Variants in HPS3 observed in about 807,000 individuals in gnomAD.
HPS3 encodes the protein BLOC-2 complex member HPS3.
A neutral mutation model predicts 110.9 loss-of-function variants in HPS3; 79 were observed. That is an observed-to-expected ratio of 0.71 (90% CI 0.59 to 0.86). The LOEUF is 0.86. Ranked by LOEUF, HPS3 falls within the 40% of genes least tolerant of loss-of-function variation. The pLI, the probability that HPS3 is intolerant of heterozygous loss-of-function variation, is 0.00. For missense variants in HPS3, 1,197 were observed against 1,206.2 expected (o/e 0.99, Z 0.11); for synonymous variants, 428 against 451.0 (o/e 0.95, Z 0.65).
chr3:149,155,283 T>C, intron 8 of HPS3, 68 bp downstream of exon 8: 8 of 954,372 alleles, frequency 8.4e-6, no homozygotes, highest in Middle Eastern at 2.2e-4. Context: ...CAGAAATTGA[T>C]TCTAATTATC....
At chr3:149,146,046 A>G (rs1413608140) in intron 5 of HPS3, among the ~76,000 whole-genome samples, 1 of 152,226 alleles carries the variant, frequency 6.6e-6, no homozygotes, top group Non-Finnish European at 1.5e-5. Flanking sequence ...GTCATGTGCT[A>G]ATTGGTGGCA....
intron 1 of HPS3, chr3:149,130,156 G>C (rs1349369377): frequency 3.5e-6 from 2 of 575,280 alleles, no homozygotes; most frequent in Non-Finnish European, 6.2e-6. Flanking sequence ...TGCTTCTGTC[G>C]GGGCGGAGAC....
At chr3:149,135,238 A>T (rs1322175676) in intron 1 of HPS3, among the ~76,000 whole-genome samples, 1 of 152,220 alleles carries the variant, frequency 6.6e-6, no homozygotes, top group African/African-American at 2.4e-5. Context: ...ATTTTGAAGG[A>T]TGGGGACCTC....
At chr3:149,150,850 T>C (rs1723059194) in intron 6 of HPS3, among the ~76,000 whole-genome samples, 170 bp downstream of exon 6, 1 of 152,200 alleles carries the variant, frequency 6.6e-6, no homozygotes, top group African/African-American at 2.4e-5. Flanking sequence ...TTGTGATTCA[T>C]GGCTTAGTTG....
intron 1 of HPS3, among the ~76,000 whole-genome samples, chr3:149,138,020 A>G (rs551644348): frequency 6.6e-6 from 1 of 152,110 alleles, no homozygotes; most frequent in South Asian, 2.1e-4. Context: ...TACTGGGGGA[A>G]TTTTAGGAAG....
At position 149,129,786 on chromosome 3, in the gene HPS3, G is replaced by C. The variant is rs1427303748; in HGVS notation, c.63G>C (p.Glu21Asp). 1 of 1,609,310 alleles carries C rather than the reference G, an allele frequency of 6.2e-7. No individual in the cohort carries two copies. Among genetic ancestry groups the C allele is most frequent in the Non-Finnish European group, 8.5e-7 (1 of 1,179,244 alleles). Reference protein sequence around the residue: ...GSQQVVPCKLEPDRFCGGGRD... With the variant: ...GSQQVVPCKLDPDRFCGGGRD... ...AGCAGGTGGTGCCCTGCAAGCTGGA[G>C]CCGGACCGGTTCTGTGGCGGGGGGC... The change falls in exon 1 of 17, where the codon GAG becomes GAC. Residue 21 changes from glutamate to aspartate, a missense_variant. Glu to Asp is a conservative substitution (Grantham distance 45). Coordinates refer to ENST00000296051, the MANE Select transcript of HPS3 (RefSeq NM_032383.5).
chr3:149,130,143 G>A (rs537974001), intron 1 of HPS3: 1 of 589,860 alleles, frequency 1.7e-6, no homozygotes, highest in South Asian at 2.1e-5. Context: ...ATAGGTATGA[G>A]CTTGCTTCTG....
chr3:149,149,210 G>A (rs1224728775), intron 5 of HPS3, among the ~76,000 whole-genome samples: 1 of 149,080 alleles, frequency 6.7e-6, no homozygotes, highest in Non-Finnish European at 1.5e-5. Context: ...TGATCCGCCT[G>A]TCTCGGCCTC....
At chr3:149,140,972 T>C in intron 2 of HPS3, 45 bp from the exon 3 acceptor site, 6 of 1,555,396 alleles carry the variant, frequency 3.9e-6, no homozygotes, top group Non-Finnish European at 5.3e-6. Context: ...TGTTGTAAAA[T>C]CTAATTTTCA....
intron 5 of HPS3, among the ~76,000 whole-genome samples, chr3:149,146,215 C>T (rs1334946005): frequency 1.3e-5 from 2 of 152,090 alleles, no homozygotes; most frequent in Non-Finnish European, 2.9e-5. Context: ...TTCCTTGTGC[C>T]CTCTGACCAT....
chr3:149,131,207 T>G (rs1379365460), intron 1 of HPS3, among the ~76,000 whole-genome samples: 2 of 151,972 alleles, frequency 1.3e-5, no homozygotes, highest in Non-Finnish European at 2.9e-5. Flanking sequence ...TTAAAAACTG[T>G]GGGGTTACCA....
At chr3:149,171,533 A>G (rs1724987663) in intron 16 of HPS3, among the ~76,000 whole-genome samples, 2 of 152,216 alleles carry the variant, frequency 1.3e-5, no homozygotes, top group African/African-American at 4.8e-5. Context: ...ATAATATAGT[A>G]ATTCAGCAAT....
intron 9 of HPS3, 118 bp from the exon 10 acceptor site, chr3:149,158,548 G>A: frequency 1.0e-6 from 1 of 992,264 alleles, no homozygotes; most frequent in Non-Finnish European, 1.6e-6. Context: ...AGCACTTTGG[G>A]AGGCTGAGGT....
chr3:149,155,531 CAAATAAAT>C (rs35607134), intron 8 of HPS3, among the ~76,000 whole-genome samples: 1 of 151,814 alleles, frequency 6.6e-6, no homozygotes, highest in Admixed American at 6.6e-5. Flanking sequence ...AGAAATGGAG[CAAATAAAT>C]AAATAAATAA....
At chr3:149,156,082 C>G (rs770168720) in intron 8 of HPS3, among the ~76,000 whole-genome samples, 2 of 152,144 alleles carry the variant, frequency 1.3e-5, no homozygotes, top group Non-Finnish European at 2.9e-5. Context: ...TTCCCATTCC[C>G]CACACAGATT....
intron 1 of HPS3, chr3:149,130,160 C>A (rs1320123852): frequency 5.2e-6 from 3 of 573,008 alleles, no homozygotes; most frequent in African/African-American, 3.8e-5. Flanking sequence ...TCTGTCGGGG[C>A]GGAGACGCTG....
chr3:149,161,352 T>C (rs1025186136), intron 11 of HPS3, among the ~76,000 whole-genome samples: 1 of 152,144 alleles, frequency 6.6e-6, no homozygotes, highest in Non-Finnish European at 1.5e-5. Flanking sequence ...GCATATAACG[T>C]ATCTACTTTC....
In HPS3 at chr3:149,129,807, G is replaced by A. The variant is rs2108111997; in HGVS notation, c.84G>A (p.Gly28=). The stretch of plus-strand genomic sequence containing the variant: ...TGGAGCCGGACCGGTTCTGTGGCGG[G>A]GGGCGTGACGCGCTTTTCGTGGCGG... ...CKLEPDRFCG[G]GRDALFVAAG... Residue 28 remains glycine, a synonymous_variant, in exon 1 of 17, where the codon GGG becomes GGA. Coordinates refer to ENST00000296051, the MANE Select transcript of HPS3 (RefSeq NM_032383.5). 6.2e-7 allele frequency: 1 copy of A among 1,607,374 alleles called. No individual in the cohort carries two copies. The highest frequency in any genetic ancestry group is 1.7e-5 in the Admixed American group (1 of 59,930).
In HPS3 at chr3:149,140,210, T is replaced by C. The variant is rs752455255; in HGVS notation, c.424T>C (p.Cys142Arg). ...GGAGGCCCCCTTGTGCATTTCCTGT[T>C]GCCCTGTGAAAGGAGACCTTCTCGT... ...LSEAPLCISC[C>R]PVKGDLLVGC... The change falls in exon 2 of 17, where the codon TGC becomes CGC. Residue 142 changes from cysteine to arginine, a missense_variant. Cys to Arg is a radical substitution (Grantham distance 180). Transcript: ENST00000296051. 3 of 1,614,206 alleles carry C rather than the reference T, an allele frequency of 1.9e-6. No homozygotes were observed. Among genetic ancestry groups the C allele is most frequent in the Non-Finnish European group, 2.5e-6 (3 of 1,180,024 alleles).
Sources: gnomAD v4.1 joint callset for allele counts (sites outside exome capture counted in the v4.1 genomes callset) on GRCh38, gnomAD v4.1.1 for gene constraint, MANE v1.5 for transcripts, NCBI Gene and HGNC (gene_info 2026-07-23, HGNC 2026-07-21) for gene names.